Variants in ANKS1B observed in about 807,000 individuals in gnomAD.
ANKS1B encodes the protein ankyrin repeat and sterile alpha motif domain-containing protein 1B.
In ANKS1B, 36 loss-of-function variants were observed where a neutral mutation model predicts 148.3. That is an observed-to-expected ratio of 0.24 (90% CI 0.19 to 0.32). The LOEUF is 0.32. Among genes scored for constraint, ANKS1B ranks in the 10% least tolerant of loss-of-function variants. The pLI, the probability that ANKS1B is intolerant of heterozygous loss-of-function variation, is 1.00. For synonymous variants in ANKS1B, 542 were observed against 560.8 expected (o/e 0.97, Z 0.47); for missense variants, 1,157 against 1,542.6 (o/e 0.75, Z 4.19).
intron 12 of ANKS1B, among the ~76,000 whole-genome samples, chr12:99,282,604 T>A (rs903705399): frequency 6.6e-6 from 1 of 152,168 alleles, no homozygotes; most frequent in Non-Finnish European, 1.5e-5. Flanking sequence ...ACATTAGGTA[T>A]GCAGCTAGTG....
At chr12:99,566,103 C>T (rs1407044998) in intron 9 of ANKS1B, among the ~76,000 whole-genome samples, 1 of 152,154 alleles carries the variant, frequency 6.6e-6, no homozygotes, top group Admixed American at 6.5e-5. Context: ...TTTCTCAATG[C>T]CATACTTTTG....
At chr12:99,728,712 C>A (rs771532788) in intron 8 of ANKS1B, among the ~76,000 whole-genome samples, 9 of 152,260 alleles carry the variant, frequency 5.9e-5, no homozygotes, top group Middle Eastern at 6.8e-3. Context: ...AGACATGGAA[C>A]CAACCCAAAT....
chr12:99,423,672 A>G (rs1353269024), intron 11 of ANKS1B, among the ~76,000 whole-genome samples: 1 of 152,174 alleles, frequency 6.6e-6, no homozygotes, highest in African/African-American at 2.4e-5. Context: ...AAGGAATGAG[A>G]TCATGTCCTT....
chr12:99,203,816 G>A (rs564731443), intron 14 of ANKS1B, among the ~76,000 whole-genome samples: 13 of 152,192 alleles, frequency 8.5e-5, no homozygotes, highest in Non-Finnish European at 1.8e-4. Flanking sequence ...TTATTATATT[G>A]TAGTAAAATG....
chr12:99,463,424 G>T (rs1379159194), intron 10 of ANKS1B, among the ~76,000 whole-genome samples: 2 of 152,210 alleles, frequency 1.3e-5, no homozygotes, highest in African/African-American at 4.8e-5. Flanking sequence ...ACTAGGGAGT[G>T]CCAGACAGTG....
chr12:99,957,270 T>C (rs184924094), intron 1 of ANKS1B, among the ~76,000 whole-genome samples: 45 of 152,302 alleles, frequency 3.0e-4, no homozygotes, highest in Admixed American at 2.9e-3. Context: ...CCTTTCACCA[T>C]GTGATGCCTG....
At chr12:98,782,240 A>G in intron 22 of ANKS1B, 103 bp from the exon 23 acceptor site, 1 of 1,009,240 alleles carries the variant, frequency 9.9e-7, no homozygotes, top group Middle Eastern at 2.1e-4. Context: ...AACAGTGTAA[A>G]TTCATTAAAA....
At chr12:99,596,112 T>A (rs375689081) in intron 9 of ANKS1B, among the ~76,000 whole-genome samples, 3 of 151,984 alleles carry the variant, frequency 2.0e-5, no homozygotes, top group East Asian at 1.9e-4. Flanking sequence ...TAAATAGAAA[T>A]ATATTAAATT....
chr12:99,685,812 T>G lies in ANKS1B; in HGVS notation c.1129-30602A>C, dbSNP rs2098646335. On this transcript the variant is annotated intron_variant, in intron 8 of 26. Transcript: ENST00000683438. Reference sequence around the variant, plus strand: ...AATACTACTCAGCCATAAAAAGGAATGAAATAATGGAATTCACAGCAACCT... The same window carrying G: ...AATACTACTCAGCCATAAAAAGGAAGGAAATAATGGAATTCACAGCAACCT... Among the ~76,000 whole-genome samples, 3 of 151,570 alleles carry G rather than the reference T, an allele frequency of 2.0e-5. No homozygotes were observed. The South Asian group carries it at 6.3e-4, about 32-fold the overall frequency.
intron 6 of ANKS1B, 63 bp from the exon 7 acceptor site, chr12:99,775,724 T>C: frequency 2.1e-6 from 2 of 945,476 alleles, no homozygotes; most frequent in Non-Finnish European, 1.5e-6. Context: ...CAATAAATTT[T>C]AAGTTTTACT....
intron 9 of ANKS1B, among the ~76,000 whole-genome samples, chr12:99,602,475 C>A (rs1044596886): frequency 3.9e-5 from 6 of 152,064 alleles, no homozygotes; most frequent in African/African-American, 1.4e-4. Flanking sequence ...TAAACTCATT[C>A]CTGAGTCCAG....
chr12:98,912,265 T>C (rs148476040), intron 17 of ANKS1B, among the ~76,000 whole-genome samples: 1 of 152,192 alleles, frequency 6.6e-6, no homozygotes, highest in African/African-American at 2.4e-5. Context: ...AGAGTGTCTG[T>C]TCTTCATCAC....
Position 99,984,557 on chromosome 12 carries a change from G to A in ANKS1B, c.-320C>T, listed in dbSNP as rs1158871646. The A allele has an allele frequency of 2.3e-5, 6 of 259,564 alleles. No individual in the cohort carries two copies. The highest frequency in any genetic ancestry group is 3.7e-5 in the Non-Finnish European group (5 of 133,494). The allele number at this position is 259,564 out of a possible 1,614,324, so 16.1% of individuals were successfully genotyped here. A position where few individuals can be genotyped will look rare whatever the true frequency, so the allele number is the denominator to read the frequency against. On this transcript the variant is annotated 5_prime_UTR_variant, in exon 1 of 27. Coordinates refer to ENST00000683438, the MANE Select transcript of ANKS1B (RefSeq NM_001352186.2). ...GTGCGGCGTGAGGGGGTGGGGACTC[G>A]GGGGTGCTTTTGAGGAGCGGGAGGA...
intron 12 of ANKS1B, among the ~76,000 whole-genome samples, chr12:99,247,166 T>C (rs561020156): frequency 6.6e-6 from 1 of 152,260 alleles, no homozygotes; most frequent in East Asian, 1.9e-4. Context: ...ACCCAGGGTG[T>C]ATGTTTTATA....
chr12:98,954,227 T>C (rs903660608), intron 17 of ANKS1B: 11 of 152,246 alleles, frequency 7.2e-5, no homozygotes, highest in African/African-American at 2.7e-4. Flanking sequence ...CTCAAGATCC[T>C]TGAAATCTGC....
chr12:99,244,246 T>C (rs1223106531), intron 14 of ANKS1B, 96 bp downstream of exon 14: 1 of 790,454 alleles, frequency 1.3e-6, no homozygotes, highest in Non-Finnish European at 2.0e-6. Flanking sequence ...GTTATTGTTA[T>C]AATGAAAAAA....
intron 17 of ANKS1B, among the ~76,000 whole-genome samples, chr12:99,043,084 A>T (rs1056865120): frequency 6.6e-6 from 1 of 152,162 alleles, no homozygotes; most frequent in Non-Finnish European, 1.5e-5. Flanking sequence ...AAATTTTTTG[A>T]GGGTAAAGAC....
intron 17 of ANKS1B, among the ~76,000 whole-genome samples, chr12:99,047,396 T>C (rs954629611): frequency 2.0e-5 from 3 of 152,156 alleles, no homozygotes; most frequent in Admixed American, 2.0e-4. Context: ...TAAGACTCTG[T>C]CTCAGAAAAA....
Position 99,060,714 on chromosome 12 carries a change from G to T in ANKS1B, c.2626-7405C>A, listed in dbSNP as rs1436317282. ...ACACACACACACATATATATAGAGA[G>T]AGAGAGCCTGTCATTCCATCATTCT... On this transcript the variant is annotated intron_variant, in intron 16 of 26. Coordinates refer to ENST00000683438, the MANE Select transcript of ANKS1B (RefSeq NM_001352186.2). Among the ~76,000 whole-genome samples the T allele has an allele frequency of 1.6e-4, 23 of 147,424 alleles. 1 individual carries two copies. Among genetic ancestry groups the T allele is most frequent in the African/African-American group, 3.3e-4 (13 of 38,986 alleles).
Sources: allele counts gnomAD v4.1 joint callset (sites outside exome capture counted in the v4.1 genomes callset), GRCh38; gene constraint gnomAD v4.1.1; transcripts MANE v1.5; gene names NCBI Gene and HGNC (gene_info 2026-07-23, HGNC 2026-07-21).